The following TMEM232 variants were observed in gnomAD, a reference collection of about 807,000 sequenced individuals.
TMEM232 encodes transmembrane protein 232.
TMEM232 carries 80 observed loss-of-function variants against 78.8 expected under a neutral mutation model. That is an observed-to-expected ratio of 1.01 (90% CI 0.85 to 1.22). The LOEUF is 1.22. TMEM232 is among the 50% of genes most tolerant of loss of function. TMEM232 has a pLI of 0.00. For synonymous variants in TMEM232, 297 were observed against 254.3 expected (o/e 1.17, Z -1.60); for missense variants, 881 against 742.2 (o/e 1.19, Z -2.17).
intron 1 of TMEM232, among the ~76,000 whole-genome samples, chr5:110,698,351 G>C (rs1049375479): frequency 6.6e-6 from 1 of 151,710 alleles, no homozygotes; most frequent in Non-Finnish European, 1.5e-5. Context: ...CAAGGTAATG[G>C]GTGCAACACA....
Position 110,644,106 on chromosome 5 carries a change from C to G in TMEM232, c.126-1735G>C, listed in dbSNP as rs151329301. Among the ~76,000 whole-genome samples, 1,514 of 151,960 alleles carry G rather than the reference C, an allele frequency of 1.0e-2. 33 individuals are homozygous for G. The highest frequency in any genetic ancestry group is 0.034 in the African/African-American group (1,413 of 41,502). ...CAATAAAGGAAGAGTTGAGGTGTTA[C>G]AACATACAAAGTCTGTGATAATTGG... is the stretch of plus-strand genomic sequence containing the variant. On this transcript the variant is annotated intron_variant, in intron 2 of 13. Coordinates refer to ENST00000455884, the MANE Select transcript of TMEM232 (RefSeq NM_001039763.4).
Position 110,605,168 on chromosome 5 carries a change from A to C in TMEM232, c.1217T>G (p.Leu406Ter), listed in dbSNP as rs994834527. Residue 406 changes from leucine (L) to a stop codon, truncating the protein, a stop_gained, in exon 10 of 14, where the codon TTA (leucine) becomes TGA (stop). Coordinates refer to ENST00000455884, the MANE Select transcript of TMEM232 (RefSeq NM_001039763.4). LOFTEE classifies it high-confidence loss of function. ...AAGACTTAAAATACTTGTTTCCTTT[A>C]ATTCTGGAGGTACTGATTTGTCCAA... ...LYLDKSVPPE[L>*]KETSILSLLE... The C allele has an allele frequency of 3.9e-6, 6 of 1,549,900 alleles. No homozygotes were observed. Among genetic ancestry groups the C allele is most frequent in the Admixed American group, 2.0e-5 (1 of 50,842 alleles).
At chr5:110,453,474 G>T (rs1269936326) in intron 12 of TMEM232, among the ~76,000 whole-genome samples, 1 of 150,958 alleles carries the variant, frequency 6.6e-6, no homozygotes, top group Non-Finnish European at 1.5e-5. Context: ...GCTAATTTTT[G>T]TATTTTTAGT....
intron 1 of TMEM232, among the ~76,000 whole-genome samples, chr5:110,737,620 TTA>T (rs1398104813): frequency 6.6e-6 from 1 of 152,204 alleles, no homozygotes; most frequent in Non-Finnish European, 1.5e-5. Flanking sequence ...AAAGGACTTT[TTA>T]TATGATATTA....
intron 11 of TMEM232, among the ~76,000 whole-genome samples, chr5:110,561,157 T>A (rs895607786): frequency 6.6e-6 from 1 of 152,094 alleles, no homozygotes; most frequent in Non-Finnish European, 1.5e-5. Flanking sequence ...TTTTGTAGAT[T>A]TTCTTAAAAT....
intron 11 of TMEM232, among the ~76,000 whole-genome samples, chr5:110,547,563 C>A (rs991082336): frequency 1.3e-5 from 2 of 152,010 alleles, no homozygotes; most frequent in African/African-American, 4.8e-5. Flanking sequence ...TCTTTTATAA[C>A]CTAAGTCATA....
At chr5:110,514,960 T>C (rs1768382425) in intron 12 of TMEM232, among the ~76,000 whole-genome samples, 1 of 152,212 alleles carries the variant, frequency 6.6e-6, no homozygotes, top group Non-Finnish European at 1.5e-5. Flanking sequence ...TGAAAAAGAA[T>C]TGTTTGAACA....
intron 12 of TMEM232, among the ~76,000 whole-genome samples, chr5:110,519,823 C>T (rs1054182895): frequency 2.7e-5 from 4 of 150,556 alleles, no homozygotes; most frequent in African/African-American, 9.7e-5. Context: ...TTTGCAACAA[C>T]ATGGAGGGAA....
chr5:110,605,131 G>C lies in TMEM232; in HGVS notation c.1254C>G (p.Phe418Leu). 13 of 1,544,284 alleles carry C rather than the reference G, an allele frequency of 8.4e-6. No individual in the cohort carries two copies. Among genetic ancestry groups the C allele is most frequent in the Non-Finnish European group, 1.1e-5 (13 of 1,143,362 alleles). The part of the protein sequence containing the change: ...ETSILSLLEY[F>L]SSKMSENCDQ... The stretch of plus-strand genomic sequence containing the variant: ...TACAGTTCTCTGACATTTTTGAAGA[G>C]AAATATTCCAAAAGACTTAAAATAC... The change falls in exon 10 of 14, where the codon TTC becomes TTG. Residue 418 changes from phenylalanine (F) to leucine (L), a missense_variant. Physicochemically the swap from Phe to Leu is conservative, Grantham distance 22. Coordinates refer to ENST00000455884, the MANE Select transcript of TMEM232 (RefSeq NM_001039763.4).
intron 12 of TMEM232, among the ~76,000 whole-genome samples, chr5:110,468,594 A>T (rs1340205945): frequency 6.6e-6 from 1 of 152,164 alleles, no homozygotes; most frequent in East Asian, 1.9e-4. Context: ...CGAATGATAT[A>T]TAAAAACCAC....
intron 11 of TMEM232, among the ~76,000 whole-genome samples, chr5:110,535,572 T>C (rs28764195): frequency 2.2e-4 from 34 of 152,018 alleles, no homozygotes; most frequent in Non-Finnish European, 4.4e-5. Flanking sequence ...TTATTCTTCA[T>C]TGTAGAAAAA....
At chr5:110,409,833 G>A (rs1271223208) in intron 2 of TMEM232, among the ~76,000 whole-genome samples, 3 of 151,930 alleles carry the variant, frequency 2.0e-5, no homozygotes, top group Non-Finnish European at 4.4e-5. Context: ...CTTTCTCTGC[G>A]CCCCAAACGC....
intron 1 of TMEM232, among the ~76,000 whole-genome samples, chr5:110,717,885 A>G (rs954121590): frequency 1.3e-5 from 2 of 152,116 alleles, no homozygotes; most frequent in African/African-American, 2.4e-5. Context: ...TGGAACTGTG[A>G]GTCAATTAAA....
In TMEM232 at chr5:110,703,381, A is replaced by G. The variant is rs192625427; in HGVS notation, c.-13+23246T>C. Among the ~76,000 whole-genome samples, 288 of 152,180 alleles carry G rather than the reference A, an allele frequency of 1.9e-3. 2 individuals carry two copies. Among genetic ancestry groups the G allele is most frequent in the African/African-American group, 6.5e-3 (272 of 41,564 alleles). On this transcript the variant is annotated intron_variant, in intron 1 of 13. Transcript: ENST00000455884. ...TAAGCTTACTCACTGGGGACCTAAG[A>G]AAATGACTGCCTGGGGAAACCAATA...
chr5:110,396,651 TA>T (rs1755399979), intron 3 of TMEM232, among the ~76,000 whole-genome samples: 1 of 152,104 alleles, frequency 6.6e-6, no homozygotes, highest in Non-Finnish European at 1.5e-5. Flanking sequence ...TATTCAATAA[TA>T]AAAAATGCAG....
chr5:110,624,016 G>A (rs1784101735), intron 7 of TMEM232, among the ~76,000 whole-genome samples: 1 of 152,124 alleles, frequency 6.6e-6, no homozygotes, highest in Admixed American at 6.6e-5. Flanking sequence ...TGCTGTGTGT[G>A]TGTGCACCAA....
intron 1 of TMEM232, among the ~76,000 whole-genome samples, chr5:110,706,751 C>A (rs975681046): frequency 6.6e-6 from 1 of 152,088 alleles, no homozygotes. Flanking sequence ...AAGAAATAAT[C>A]CCAATGCAGT....
At chr5:110,611,858 G>C (rs1782326228) in intron 8 of TMEM232, among the ~76,000 whole-genome samples, 1 of 152,140 alleles carries the variant, frequency 6.6e-6, no homozygotes. Flanking sequence ...ATTGGGAACA[G>C]AGAGCAGGGG....
Position 110,726,623 on chromosome 5 carries a change from T to C in TMEM232, c.-13+4A>G, listed in dbSNP as rs1326648374. 2.0e-5 allele frequency: 3 copies of C among 152,182 alleles called. No individual in the cohort carries two copies. The highest frequency in any genetic ancestry group is 2.9e-5 in the Non-Finnish European group (2 of 68,058). 9.4% of individuals were successfully genotyped at this position (152,182 alleles called of 1,614,324 possible). A position where few individuals can be genotyped will look rare whatever the true frequency, so the allele number is the denominator to read the frequency against. Reference sequence around the variant, plus strand: ...ATCTGAAGCAGGACCTCTTAATCACTCACCGCTGCGCTCTGAGCCGCTGGG... The same window carrying C: ...ATCTGAAGCAGGACCTCTTAATCACCCACCGCTGCGCTCTGAGCCGCTGGG... On this transcript the variant is annotated splice_donor_region_variant and intron_variant, in intron 1 of 13. Transcript: ENST00000455884.
Sources: gnomAD v4.1 joint callset for allele counts (sites outside exome capture counted in the v4.1 genomes callset) on GRCh38, gnomAD v4.1.1 for gene constraint, MANE v1.5 for transcripts, NCBI Gene and HGNC (gene_info 2026-07-23, HGNC 2026-07-21) for gene names.